The following SCFD2 variants were observed in gnomAD, a reference collection of about 807,000 sequenced individuals.
The protein encoded by SCFD2 is sec1 family domain containing 2.
SCFD2 carries 54 observed loss-of-function variants against 58.9 expected under a neutral mutation model. The observed-to-expected ratio is 0.92, with a 90% confidence interval of 0.74 to 1.15. The LOEUF is 1.15. Ranked by LOEUF, SCFD2 falls within the 50% of genes most tolerant of loss-of-function variation. SCFD2 has a pLI of 0.00. For synonymous variants in SCFD2, 321 were observed against 335.9 expected (o/e 0.96, Z 0.49); for missense variants, 805 against 836.6 (o/e 0.96, Z 0.47).
At chr4:53,019,056 C>T (rs867994602) in intron 5 of SCFD2, among the ~76,000 whole-genome samples, 1 of 152,072 alleles carries the variant, frequency 6.6e-6, no homozygotes, top group African/African-American at 2.4e-5. Flanking sequence ...AGCAAATTTC[C>T]CAGGGTGCAA....
At chr4:53,150,400 T>G (rs1726470106) in intron 4 of SCFD2, among the ~76,000 whole-genome samples, 2 of 152,302 alleles carry the variant, frequency 1.3e-5, no homozygotes, top group South Asian at 4.1e-4. Flanking sequence ...CCTGTGCCAC[T>G]TTGGCTTGGA....
At chr4:53,258,529 G>GGT (rs201888049) in intron 4 of SCFD2, among the ~76,000 whole-genome samples, 133 of 102,780 alleles carry the variant, frequency 1.3e-3, no homozygotes, top group South Asian at 5.6e-3. Flanking sequence ...CGTATTCCAT[G>GGT]GTGTGTGTGT....
At chr4:53,060,764 TTTG>T (rs1430077702) in intron 5 of SCFD2, among the ~76,000 whole-genome samples, 1 of 152,174 alleles carries the variant, frequency 6.6e-6, no homozygotes, top group Non-Finnish European at 1.5e-5. Flanking sequence ...GATATGTGAC[TTTG>T]TTAACATGTA....
intron 2 of SCFD2, among the ~76,000 whole-genome samples, chr4:53,316,261 A>G (rs1231050459): frequency 6.6e-6 from 1 of 152,180 alleles, no homozygotes; most frequent in East Asian, 1.9e-4. Flanking sequence ...GGGTCCTTCT[A>G]TGAAGGCAGG....
chr4:53,152,915 T>C (rs2148919584), intron 4 of SCFD2, among the ~76,000 whole-genome samples: 1 of 152,164 alleles, frequency 6.6e-6, no homozygotes, highest in South Asian at 2.1e-4. Flanking sequence ...CAAAAAAAAA[T>C]CTTTGACTCT....
intron 5 of SCFD2, among the ~76,000 whole-genome samples, chr4:53,082,774 C>G (rs1188664376): frequency 6.6e-6 from 1 of 152,146 alleles, no homozygotes; most frequent in Non-Finnish European, 1.5e-5. Context: ...CTCTGGCCCA[C>G]AGACATCAGT....
At chr4:53,035,560 T>G (rs1346036764) in intron 5 of SCFD2, among the ~76,000 whole-genome samples, 1 of 152,136 alleles carries the variant, frequency 6.6e-6, no homozygotes, top group Middle Eastern at 3.2e-3. Context: ...GGGAGAAAAT[T>G]TCTGCAATCT....
chr4:53,020,577 C>A (rs928252975), intron 5 of SCFD2, among the ~76,000 whole-genome samples: 1 of 152,104 alleles, frequency 6.6e-6, no homozygotes, highest in African/African-American at 2.4e-5. Context: ...TGACCCTATG[C>A]CTGAAACAAG....
chr4:52,928,139 A>G (rs1290242495), intron 5 of SCFD2, among the ~76,000 whole-genome samples: 2 of 152,142 alleles, frequency 1.3e-5, no homozygotes, highest in African/African-American at 2.4e-5. Flanking sequence ...GTTTGAGACC[A>G]GCCTGGGCAA....
chr4:53,096,186 A>C (rs1724626121), intron 5 of SCFD2, among the ~76,000 whole-genome samples: 1 of 152,196 alleles, frequency 6.6e-6, no homozygotes, highest in Non-Finnish European at 1.5e-5. Flanking sequence ...ATAAGTGTGC[A>C]TGTGTCTTTA....
At chr4:53,022,287 A>T (rs1722368193) in intron 5 of SCFD2, among the ~76,000 whole-genome samples, 6 of 152,328 alleles carry the variant, frequency 3.9e-5, no homozygotes, top group Admixed American at 3.9e-4. Context: ...ACAAAGAATA[A>T]GAACACAGTA....
intron 5 of SCFD2, among the ~76,000 whole-genome samples, chr4:52,959,756 A>G (rs1409849297): frequency 6.6e-6 from 1 of 152,190 alleles, no homozygotes; most frequent in Admixed American, 6.5e-5. Flanking sequence ...CCTTAGCTAA[A>G]ATAATTTTCT....
chr4:53,249,906 A>C (rs1049807382), intron 4 of SCFD2, among the ~76,000 whole-genome samples: 11 of 152,224 alleles, frequency 7.2e-5, no homozygotes, highest in Admixed American at 5.9e-4. Flanking sequence ...CGAGCAAAAT[A>C]ACCAGCTAAC....
At chr4:52,992,408 C>A (rs1181612467) in intron 5 of SCFD2, among the ~76,000 whole-genome samples, 1 of 152,246 alleles carries the variant, frequency 6.6e-6, no homozygotes, top group East Asian at 1.9e-4. Flanking sequence ...CTGCCTTGGC[C>A]TCCCAAAGTG....
Position 52,873,873 on chromosome 4 carries a change from G to GT in SCFD2, c.*95_*96insA. ...GAATTCCATCATTCTCGCAATTAGT[G>GT]ACAGGGACGCTGGTTGTGGAGGAGT... On this transcript the variant is annotated 3_prime_UTR_variant, in exon 9 of 9. Transcript: ENST00000401642. 1 of 819,198 alleles carries GT rather than the reference G, an allele frequency of 1.2e-6. No homozygotes were observed. The highest frequency in any genetic ancestry group is 2.1e-6 in the Non-Finnish European group (1 of 480,474). The allele number at this position is 819,198 out of a possible 1,614,324, so 50.7% of individuals were successfully genotyped here. A position where few individuals can be genotyped will look rare whatever the true frequency, so the allele number is the denominator to read the frequency against.
chr4:53,216,620 G>T (rs199621595), intron 4 of SCFD2, among the ~76,000 whole-genome samples: 1 of 152,032 alleles, frequency 6.6e-6, no homozygotes, highest in Admixed American at 6.6e-5. Flanking sequence ...TTGATTTTTT[G>T]AAGGGTTTTT....
At position 53,352,735 on chromosome 4, in the gene SCFD2, T is replaced by C. The variant is rs965414191; in HGVS notation, c.870A>G (p.Val290=). Residue 290 remains valine (V), a synonymous_variant, in exon 2 of 9, where the codon GTA becomes GTG. Coordinates refer to ENST00000401642, the MANE Select transcript of SCFD2 (RefSeq NM_152540.4). ...GAVGHHGDNL[V]EKIISALPQL... ...GGGGAAGTGCTGAAATGATCTTCTC[T>C]ACTAAGTTGTCTCCATGATGTCCAA... 10 of 1,614,038 alleles carry C rather than the reference T, an allele frequency of 6.2e-6. No homozygotes were observed. The highest frequency in any genetic ancestry group is 1.3e-5 in the African/African-American group (1 of 74,936).
intron 8 of SCFD2, among the ~76,000 whole-genome samples, chr4:52,883,219 C>G (rs896936438): frequency 6.6e-6 from 1 of 152,166 alleles, no homozygotes; most frequent in Admixed American, 6.6e-5. Context: ...TGTCTCAGAT[C>G]GGCAGAGTTT....
chr4:52,882,448 A>T (rs909394085), intron 8 of SCFD2, among the ~76,000 whole-genome samples: 4 of 152,202 alleles, frequency 2.6e-5, no homozygotes, highest in African/African-American at 9.7e-5. Context: ...ATTAGATTGA[A>T]GGATGCAAAG....
Sources: allele counts gnomAD v4.1 joint callset (sites outside exome capture counted in the v4.1 genomes callset), GRCh38; gene constraint gnomAD v4.1.1; transcripts MANE v1.5; gene names NCBI Gene and HGNC (gene_info 2026-07-23, HGNC 2026-07-21).